The following FABP6 variants were observed in gnomAD, a reference collection of about 807,000 sequenced individuals.
FABP6 encodes fatty acid binding protein 6.
FABP6 carries 13 observed loss-of-function variants against 14.9 expected under a neutral mutation model. The observed-to-expected ratio is 0.87, with a 90% CI of 0.57 to 1.39. The LOEUF (loss-of-function observed/expected upper bound fraction) is 1.39. Ranked by LOEUF, FABP6 falls within the 40% of genes most tolerant of loss-of-function variation. FABP6 has a pLI of 0.00. For missense variants in FABP6, 161 were observed against 167.2 expected (o/e 0.96, Z 0.20); for synonymous variants, 75 against 63.6 (o/e 1.18, Z -0.85).
At chr5:160,234,977 G>A (rs1186882062) in intron 3 of FABP6, 68 bp downstream of exon 3, 1 of 1,407,950 alleles carries the variant, frequency 7.1e-7, no homozygotes, top group Non-Finnish European at 9.9e-7. Flanking sequence ...CAGCCCCTCA[G>A]AAGTAGGCCT....
intron 1 of FABP6, among the ~76,000 whole-genome samples, chr5:160,230,630 G>A (rs1331336166): frequency 6.6e-6 from 1 of 152,062 alleles, no homozygotes; most frequent in Non-Finnish European, 1.5e-5. Flanking sequence ...CCAAAATGCT[G>A]GGATTACAGA....
exon 2 of FABP6, chr5:160,199,081 G>A: frequency 5.6e-6 from 9 of 1,613,804 alleles, no homozygotes; most frequent in Non-Finnish European, 7.6e-6. Context: ...GAGCTCACAG[G>A]CAGGGGCTGG....
At chr5:160,192,499 G>T (rs963278058) in intron 1 of FABP6, among the ~76,000 whole-genome samples, 1 of 152,272 alleles carries the variant, frequency 6.6e-6, no homozygotes, top group Non-Finnish European at 1.5e-5. Context: ...CTGGCACATA[G>T]TAAGTGCTCA....
upstream of FABP6, chr5:160,228,446 T>C: frequency 2.2e-6 from 1 of 456,262 alleles, no homozygotes; most frequent in Non-Finnish European, 4.4e-6. Context: ...GTTTTATACT[T>C]TGCACTGTCA....
intron 2 of FABP6, among the ~76,000 whole-genome samples, chr5:160,204,420 G>T (rs550301952): frequency 5.5e-4 from 83 of 152,288 alleles, no homozygotes; most frequent in Middle Eastern, 3.4e-3. Context: ...AATGAGTGAT[G>T]CATGAACGTG....
upstream of FABP6, among the ~76,000 whole-genome samples, chr5:160,226,165 T>A (rs1760240307): frequency 6.6e-6 from 1 of 151,362 alleles, no homozygotes; most frequent in Non-Finnish European, 1.5e-5. Context: ...AGAGTGAAAC[T>A]GTCTCAAATA....
rs369799905 is a variant in FABP6, at chr5:160,236,235, C to T, written c.333+1326C>T. On this transcript the variant is annotated intron_variant, in intron 3 of 3. Coordinates refer to ENST00000402432, the MANE Select transcript of FABP6 (RefSeq NM_001445.3). ...TTCACCATGTTGGCCAGGCTGGTCTCGAACTCCTGACCTCAAGTGATCTGC... is the reference window on the plus strand; with the variant it reads ...TTCACCATGTTGGCCAGGCTGGTCTTGAACTCCTGACCTCAAGTGATCTGC... Among the ~76,000 whole-genome samples the T allele has an allele frequency of 1.6e-3, 247 of 152,118 alleles. 1 individual carries two copies. Among genetic ancestry groups the T allele is most frequent in the South Asian group, 9.8e-3 (47 of 4,820 alleles).
At chr5:160,192,962 T>C (rs1021348521) in intron 1 of FABP6, among the ~76,000 whole-genome samples, 1 of 152,118 alleles carries the variant, frequency 6.6e-6, no homozygotes, top group African/African-American at 2.4e-5. Flanking sequence ...AAATAAAAAA[T>C]AAGCCAGGCA....
Position 160,208,966 on chromosome 5 carries a change from C to T in FABP6, c.52-4770C>T, listed in dbSNP as rs777274188. Among the ~76,000 whole-genome samples the T allele has an allele frequency of 7.4e-4, 112 of 151,744 alleles. 2 individuals carry two copies. The highest frequency in any genetic ancestry group is 1.4e-3 in the Non-Finnish European group (96 of 67,900). On this transcript the variant is annotated intron_variant, in intron 2 of 6. Transcript: ENST00000393980. Reference sequence around the variant, plus strand: ...TAATTTTTTGTATTTTTGGTAGGGACGGGGTTTCACCATGTTGGCCAGGCT... The same window carrying T: ...TAATTTTTTGTATTTTTGGTAGGGATGGGGTTTCACCATGTTGGCCAGGCT...
chr5:160,237,898 C>T (rs1757923296), intron 3 of FABP6, among the ~76,000 whole-genome samples: 1 of 152,218 alleles, frequency 6.6e-6, no homozygotes, highest in African/African-American at 2.4e-5. Context: ...TTCTGTCCAA[C>T]AGCCAATTCC....
At chr5:160,227,819 CGTGT>C (rs763474232), upstream of FABP6, among the ~76,000 whole-genome samples, 244 of 145,748 alleles carry the variant, frequency 1.7e-3, 1 homozygote, top group South Asian at 0.017. Flanking sequence ...AAATCCATGA[CGTGT>C]GTGTGTGTGT....
chr5:160,210,883 C>A (rs1188839626), intron 2 of FABP6, among the ~76,000 whole-genome samples: 1 of 152,192 alleles, frequency 6.6e-6, no homozygotes, highest in African/African-American at 2.4e-5. Context: ...GGAATGATTT[C>A]TGCGGCTGCC....
chr5:160,205,451 G>A (rs1759743049), intron 2 of FABP6, among the ~76,000 whole-genome samples: 1 of 152,020 alleles, frequency 6.6e-6, no homozygotes, highest in Non-Finnish European at 1.5e-5. Context: ...TTTATCACAG[G>A]TGCTGCTGGC....
intron 3 of FABP6, among the ~76,000 whole-genome samples, chr5:160,236,782 G>A (rs1760525511): frequency 6.7e-6 from 1 of 150,282 alleles, no homozygotes; most frequent in African/African-American, 2.5e-5. Context: ...GACCAGCCCA[G>A]CCAACATGGT....
chr5:160,232,336 C>A (rs374936800), intron 2 of FABP6, 63 bp downstream of exon 2: 28 of 1,473,142 alleles, frequency 1.9e-5, no homozygotes, highest in East Asian at 1.5e-4. Context: ...CCTTCTCAAA[C>A]ATGGCCTCCC....
chr5:160,222,646 C>G (rs528533790), intron 3 of FABP6, among the ~76,000 whole-genome samples: 67 of 152,180 alleles, frequency 4.4e-4, no homozygotes, highest in Non-Finnish European at 8.1e-4. Flanking sequence ...AGATTTTCTA[C>G]TATGAAGATA....
At chr5:160,199,380 A>C (rs974760839) in intron 2 of FABP6, among the ~76,000 whole-genome samples, 1 of 152,168 alleles carries the variant, frequency 6.6e-6, no homozygotes. Flanking sequence ...CTTCCCTCAG[A>C]GGACGGACAC....
At chr5:160,210,669 G>A (rs1318548155) in intron 2 of FABP6, among the ~76,000 whole-genome samples, 1 of 152,212 alleles carries the variant, frequency 6.6e-6, no homozygotes, top group African/African-American at 2.4e-5. Flanking sequence ...AAACACAGGA[G>A]CAGCCACGTC....
At chr5:160,213,965 ATTG>A (rs1759951523) in intron 3 of FABP6, 3 of 687,428 alleles carry the variant, frequency 4.4e-6, no homozygotes, top group Admixed American at 2.5e-5. Context: ...ACCATCTGAA[ATTG>A]TTGTTTTTAT....
Sources: gnomAD v4.1 joint callset for allele counts (sites outside exome capture counted in the v4.1 genomes callset) on GRCh38, gnomAD v4.1.1 for gene constraint, MANE v1.5 for transcripts, NCBI Gene and HGNC (gene_info 2026-07-23, HGNC 2026-07-21) for gene names.